The following KPNA4 variants were observed in gnomAD, a reference collection of about 807,000 sequenced individuals.
KPNA4 encodes karyopherin subunit alpha 4.
In KPNA4, 13 loss-of-function variants were observed where a neutral mutation model predicts 71.3. That is an observed-to-expected ratio of 0.18 (90% CI 0.12 to 0.29). KPNA4 has a LOEUF of 0.29. Among genes scored for constraint, KPNA4 ranks in the 10% least tolerant of loss-of-function variants. The pLI is 1.00. For missense variants in KPNA4, 334 were observed against 603.2 expected (o/e 0.55, Z 4.67); for synonymous variants, 189 against 195.2 (o/e 0.97, Z 0.26).
chr3:160,541,484 A>ACAGG (rs1721795509), intron 1 of KPNA4, among the ~76,000 whole-genome samples: 1 of 152,146 alleles, frequency 6.6e-6, no homozygotes, highest in South Asian at 2.1e-4. Context: ...AAAAATTTGT[A>ACAGG]CAGGCACGAG....
chr3:160,540,818 G>C (rs1174359685), intron 1 of KPNA4, among the ~76,000 whole-genome samples: 2 of 152,216 alleles, frequency 1.3e-5, no homozygotes, highest in African/African-American at 4.8e-5. Context: ...GACTGTAAGT[G>C]GGGGAGGTTG....
At chr3:160,545,448 CTG>C (rs1162991481) in intron 1 of KPNA4, among the ~76,000 whole-genome samples, 5 of 152,090 alleles carry the variant, frequency 3.3e-5, no homozygotes, top group African/African-American at 1.2e-4. Flanking sequence ...GTGTGAAAGA[CTG>C]TAAATAAAGT....
At position 160,559,727 on chromosome 3, in the gene KPNA4, C is replaced by G. The variant is rs558924463; in HGVS notation, c.69+5487G>C. Among the ~76,000 whole-genome samples the G allele has an allele frequency of 9.9e-5, 15 of 152,212 alleles. No homozygotes were observed. The East Asian group carries it at 2.9e-3, about 29-fold the overall frequency. ...ATACTTTCCTTTTTCAACTGTCTGT[C>G]TGTGTGAAGGTGGACATTCTTCACA... is the stretch of plus-strand genomic sequence containing the variant. On this transcript the variant is annotated intron_variant, in intron 1 of 16. Coordinates refer to ENST00000334256, the MANE Select transcript of KPNA4 (RefSeq NM_002268.5).
intron 13 of KPNA4, among the ~76,000 whole-genome samples, chr3:160,513,197 T>G (rs1209645991): frequency 2.0e-5 from 3 of 151,026 alleles, no homozygotes; most frequent in Non-Finnish European, 4.4e-5. Flanking sequence ...TCTCTTTAAT[T>G]ACAGATCAGT....
chr3:160,507,676 C>T (rs1560043880), intron 15 of KPNA4, among the ~76,000 whole-genome samples: 2 of 152,172 alleles, frequency 1.3e-5, no homozygotes, highest in Non-Finnish European at 2.9e-5. Context: ...CCTGGAACAC[C>T]TTTCATCCCT....
In KPNA4 at chr3:160,498,215, C is replaced by T. The variant is rs1720804433; in HGVS notation, c.*3889G>A. 2 of 152,120 alleles carry T rather than the reference C, an allele frequency of 1.3e-5. No homozygotes were observed. Among genetic ancestry groups the T allele is most frequent in the African/African-American group, 2.4e-5 (1 of 41,416 alleles). 9.4% of individuals were successfully genotyped at this position (152,120 alleles called of 1,614,324 possible). A position where few individuals can be genotyped will look rare whatever the true frequency, so the allele number is the denominator to read the frequency against. ...CCCCTAAAACTGTATGAAAAACTACCATGTATATACACTTTTTGGGGAAGC... is the reference window on the plus strand; with the variant it reads ...CCCCTAAAACTGTATGAAAAACTACTATGTATATACACTTTTTGGGGAAGC... On this transcript the variant is annotated 3_prime_UTR_variant, in exon 17 of 17. Transcript: ENST00000334256.
chr3:160,546,527 G>A (rs934830686), intron 1 of KPNA4, among the ~76,000 whole-genome samples: 33 of 152,066 alleles, frequency 2.2e-4, no homozygotes, highest in African/African-American at 8.0e-4. Context: ...CAGAAAAAAA[G>A]AAGAATCTGT....
intron 8 of KPNA4, 106 bp from the exon 9 acceptor site, chr3:160,526,213 T>A: frequency 1.3e-6 from 1 of 797,910 alleles, no homozygotes; most frequent in South Asian, 3.5e-5. Context: ...TTTATCCAGA[T>A]ACACTGTTCA....
intron 1 of KPNA4, among the ~76,000 whole-genome samples, chr3:160,555,374 G>C (rs987631878): frequency 6.6e-6 from 1 of 152,178 alleles, no homozygotes; most frequent in African/African-American, 2.4e-5. Context: ...CCATACCGTT[G>C]CATGTGTCAG....
chr3:160,539,998 CTTTTTT>C (rs376611861), intron 1 of KPNA4, among the ~76,000 whole-genome samples: 9 of 129,294 alleles, frequency 7.0e-5, no homozygotes, highest in Admixed American at 4.1e-4. Context: ...TTTTTCTTTT[CTTTTTT>C]TTTTTTTTTT....
chr3:160,527,920 T>G, intron 8 of KPNA4, 33 bp downstream of exon 8: 4 of 1,513,496 alleles, frequency 2.6e-6, no homozygotes, highest in Non-Finnish European at 3.7e-6. Flanking sequence ...ATGATAACAA[T>G]TTTTAGACTA....
intron 1 of KPNA4, among the ~76,000 whole-genome samples, chr3:160,545,364 A>G (rs1721883309): frequency 6.6e-6 from 1 of 152,118 alleles, no homozygotes; most frequent in African/African-American, 2.4e-5. Context: ...ACTGACCACA[A>G]GTGTTCTGAG....
rs1280169503 is a variant in KPNA4 at position 160,502,101 on chromosome 3, T to C, written c.*3A>G. On this transcript the variant is annotated 3_prime_UTR_variant, in exon 17 of 17. Transcript: ENST00000334256. ...CATTGTACCTAACTTCCACAACATC[T>C]TTCTAAAACTGGAACCCTTCTGTTG... is the stretch of plus-strand genomic sequence containing the variant. The C allele has an allele frequency of 3.2e-6, 5 of 1,548,286 alleles. No homozygotes were observed. The highest frequency in any genetic ancestry group is 2.3e-5 in the East Asian group (1 of 44,262).
At chr3:160,533,872 T>C (rs1721623614) in intron 5 of KPNA4, among the ~76,000 whole-genome samples, 1 of 152,236 alleles carries the variant, frequency 6.6e-6, no homozygotes, top group East Asian at 1.9e-4. Context: ...TTAATTTTCT[T>C]GCAGATTGCA....
At chr3:160,517,740 C>T (rs921176036) in intron 11 of KPNA4, among the ~76,000 whole-genome samples, 11 of 152,032 alleles carry the variant, frequency 7.2e-5, no homozygotes, top group Admixed American at 5.9e-4. Context: ...CATGTGCTTA[C>T]TGACCATTTG....
At position 160,495,794 on chromosome 3, in the gene KPNA4, CATG is replaced by C. The variant is rs1219760998; in HGVS notation, c.*6307_*6309del. On this transcript the variant is annotated 3_prime_UTR_variant, in exon 17 of 17. Coordinates refer to ENST00000334256, the MANE Select transcript of KPNA4 (RefSeq NM_002268.5). ...GTGAAGGTAGGAAATACCTAGAATA[CATG>C]ATGTTTTATGCAGCTGAACAGGACA... The C allele has an allele frequency of 6.6e-6, 1 of 151,406 alleles. No individual in the cohort carries two copies. The allele number at this position is 151,406 out of a possible 1,614,324, so 9.4% of individuals were successfully genotyped here.
chr3:160,500,548 T>A lies in KPNA4; in HGVS notation c.*1556A>T, dbSNP rs1474217738. The A allele has an allele frequency of 1.3e-5, 2 of 152,644 alleles. No homozygotes were observed. Among genetic ancestry groups the A allele is most frequent in the Non-Finnish European group, 2.9e-5 (2 of 68,032 alleles). The allele number at this position is 152,644 out of a possible 1,614,324, so 9.5% of individuals were successfully genotyped here. ...AGTTCTTTTTGTACAAATTAATTTA[T>A]GTCACATTTAATTTAGTGTGCATAA... is the stretch of plus-strand genomic sequence containing the variant. On this transcript the variant is annotated 3_prime_UTR_variant, in exon 17 of 17. Coordinates refer to ENST00000334256, the MANE Select transcript of KPNA4 (RefSeq NM_002268.5).
intron 5 of KPNA4, among the ~76,000 whole-genome samples, chr3:160,535,208 G>A (rs1721663444): frequency 6.6e-6 from 1 of 152,102 alleles, no homozygotes; most frequent in Admixed American, 6.5e-5. Flanking sequence ...TACAAATAAT[G>A]TTTTTCTCTT....
At chr3:160,532,892 C>A (rs116633894) in intron 5 of KPNA4, among the ~76,000 whole-genome samples, 1 of 152,140 alleles carries the variant, frequency 6.6e-6, no homozygotes, top group African/African-American at 2.4e-5. Flanking sequence ...TATCCTAAAC[C>A]CCTCACTTGA....
Sources: gnomAD v4.1 joint callset for allele counts (sites outside exome capture counted in the v4.1 genomes callset) on GRCh38, gnomAD v4.1.1 for gene constraint, MANE v1.5 for transcripts, NCBI Gene and HGNC (gene_info 2026-07-23, HGNC 2026-07-21) for gene names.